R3HCC1L: variants seen among roughly 807,000 people sequenced by gnomAD.
R3HCC1L encodes coiled-coil domain-containing protein R3HCC1L.
In R3HCC1L, 51 loss-of-function variants were observed where a neutral mutation model predicts 59.9. The ratio of observed to expected loss-of-function variants is 0.85; its 90% CI spans 0.68 to 1.07. The LOEUF (loss-of-function observed/expected upper bound fraction) is 1.07. R3HCC1L is among the 50% of genes least tolerant of loss of function. The pLI, the probability that R3HCC1L is intolerant of heterozygous loss-of-function variation, is 0.00. For missense variants in R3HCC1L, 965 were observed against 933.0 expected (o/e 1.03, Z -0.45); for synonymous variants, 322 against 315.2 (o/e 1.02, Z -0.23).
chr10:98,231,482 C>G (rs750981991), intron 5 of R3HCC1L, 30 bp from the exon 6 acceptor site: 12 of 1,591,190 alleles, frequency 7.5e-6, no homozygotes, highest in African/African-American at 1.4e-5. Flanking sequence ...TTTAATGTAA[C>G]CGGCACTTAA....
At position 98,209,675 on chromosome 10, in the gene R3HCC1L, G is replaced by A. The variant is rs1486784084; in HGVS notation, c.1561G>A (p.Glu521Lys). Residue 521 changes from glutamate (E) to lysine (K), a missense_variant, in exon 5 of 10, where the codon GAA becomes AAA. Transcript: ENST00000298999. ...STGDTTEALHELRTAEEFKTE... is the reference protein window; with the variant it reads ...STGDTTEALHKLRTAEEFKTE... The stretch of plus-strand genomic sequence containing the variant: ...TGGTGATACAACAGAAGCATTGCAC[G>A]AACTAAGAACTGCCGAAGAGTTCAA... The A allele has an allele frequency of 3.7e-6, 6 of 1,613,828 alleles. No homozygotes were observed. The highest frequency in any genetic ancestry group is 1.3e-5 in the African/African-American group (1 of 74,896).
intron 6 of R3HCC1L, 80 bp downstream of exon 6, chr10:98,231,767 G>T: frequency 7.4e-7 from 1 of 1,350,622 alleles, no homozygotes. Context: ...ATCATCTCTT[G>T]TTTTTTATAT....
intron 5 of R3HCC1L, among the ~76,000 whole-genome samples, chr10:98,229,467 AAGG>A (rs1198452082): frequency 6.6e-6 from 1 of 152,218 alleles, no homozygotes; most frequent in Non-Finnish European, 1.5e-5. Flanking sequence ...CTGTCAACTT[AAGG>A]AGATTTTGGG....
chr10:98,176,146 C>T (rs1253738128), intron 4 of R3HCC1L, among the ~76,000 whole-genome samples: 1 of 152,060 alleles, frequency 6.6e-6, no homozygotes, highest in African/African-American at 2.4e-5. Context: ...TTTACCCTTT[C>T]TCCAATGTGA....
At chr10:98,137,133 C>G (rs1844678690) in intron 1 of R3HCC1L, among the ~76,000 whole-genome samples, 1 of 152,056 alleles carries the variant, frequency 6.6e-6, no homozygotes, top group East Asian at 1.9e-4. Context: ...ATCGCTTGAA[C>G]TCGGGAGGCT....
At chr10:98,144,331 T>C (rs1159332004) in intron 1 of R3HCC1L, among the ~76,000 whole-genome samples, 1 of 152,072 alleles carries the variant, frequency 6.6e-6, no homozygotes, top group Admixed American at 6.6e-5. Flanking sequence ...TTCTCCTGCC[T>C]CAGCTTTCCG....
intron 4 of R3HCC1L, among the ~76,000 whole-genome samples, chr10:98,180,940 T>C (rs1265387744): frequency 1.3e-5 from 2 of 152,200 alleles, no homozygotes; most frequent in Non-Finnish European, 2.9e-5. Context: ...AGCCTATGTG[T>C]GTCTCCGCAT....
At chr10:98,149,839 G>A (rs1164507951) in intron 1 of R3HCC1L, among the ~76,000 whole-genome samples, 1 of 152,226 alleles carries the variant, frequency 6.6e-6, no homozygotes, top group Admixed American at 6.5e-5. Context: ...TTCTTCTAGT[G>A]TGTAGTTTAA....
chr10:98,195,032 A>G (rs1851274723), intron 4 of R3HCC1L, among the ~76,000 whole-genome samples: 1 of 152,196 alleles, frequency 6.6e-6, no homozygotes, highest in Non-Finnish European at 1.5e-5. Flanking sequence ...TCAGTGCAGC[A>G]TTATTCACAG....
intron 5 of R3HCC1L, among the ~76,000 whole-genome samples, chr10:98,213,385 C>T (rs1271026782): frequency 2.0e-5 from 3 of 152,142 alleles, no homozygotes; most frequent in Admixed American, 1.3e-4. Context: ...CAGTATGTAA[C>T]TATGTGACTA....
intron 1 of R3HCC1L, among the ~76,000 whole-genome samples, chr10:98,143,943 T>C (rs1845415980): frequency 2.0e-5 from 3 of 152,154 alleles, no homozygotes. Context: ...TGTGTGTCTA[T>C]TACCGTAGCA....
At chr10:98,220,036 T>C (rs1400198673) in intron 5 of R3HCC1L, among the ~76,000 whole-genome samples, 4 of 152,208 alleles carry the variant, frequency 2.6e-5, no homozygotes, top group African/African-American at 9.6e-5. Flanking sequence ...CTTTGTGATG[T>C]CCCTCATTTC....
intron 1 of R3HCC1L, among the ~76,000 whole-genome samples, chr10:98,137,324 A>C (rs909848309): frequency 1.3e-5 from 2 of 152,348 alleles, no homozygotes; most frequent in African/African-American, 2.4e-5. Context: ...CTGTTTCCTA[A>C]TCTCTCAAAT....
intron 4 of R3HCC1L, among the ~76,000 whole-genome samples, chr10:98,181,843 C>T (rs1016138761): frequency 2.0e-5 from 3 of 152,168 alleles, no homozygotes; most frequent in African/African-American, 7.2e-5. Flanking sequence ...AGTTCTTGTG[C>T]CATGGTTTTC....
At chr10:98,211,378 G>A in intron 5 of R3HCC1L, 1 of 1,519,026 alleles carries the variant, frequency 6.6e-7, no homozygotes, top group Non-Finnish European at 8.8e-7. Flanking sequence ...ATCAGAATGT[G>A]AGTAGGGAAC....
At chr10:98,210,495 T>G (rs1853441248) in intron 5 of R3HCC1L, among the ~76,000 whole-genome samples, 3 of 152,206 alleles carry the variant, frequency 2.0e-5, no homozygotes, top group Admixed American at 2.0e-4. Flanking sequence ...TCTTAGAAAT[T>G]ACTCAGTTCA....
intron 4 of R3HCC1L, among the ~76,000 whole-genome samples, chr10:98,172,954 T>C (rs1357087771): frequency 6.6e-6 from 1 of 152,226 alleles, no homozygotes; most frequent in Non-Finnish European, 1.5e-5. Context: ...TCTGGGTACT[T>C]ACAGTAATTC....
At chr10:98,238,209 C>T (rs892084577) in intron 9 of R3HCC1L, among the ~76,000 whole-genome samples, 1 of 152,144 alleles carries the variant, frequency 6.6e-6, no homozygotes, top group African/African-American at 2.4e-5. Context: ...ATATTTTTGT[C>T]ATTACTCTTT....
Position 98,217,730 on chromosome 10 carries a change from C to T in R3HCC1L, c.1785+7831C>T, listed in dbSNP as rs140464373. Among the ~76,000 whole-genome samples the T allele has an allele frequency of 1.3e-4, 19 of 151,956 alleles. No individual in the cohort carries two copies. The East Asian group carries it at 1.9e-3, about 15-fold the overall frequency. ...TATAGTTTTCCTGGTAGAGAGCTTT[C>T]GCCTCCTTAGTCAGATTTACTCCTA... is the stretch of plus-strand genomic sequence containing the variant. On this transcript the variant is annotated intron_variant, in intron 5 of 9. Coordinates refer to ENST00000298999, the MANE Select transcript of R3HCC1L (RefSeq NM_001351015.2).
Sources: gnomAD v4.1 joint callset for allele counts (sites outside exome capture counted in the v4.1 genomes callset) on GRCh38, gnomAD v4.1.1 for gene constraint, MANE v1.5 for transcripts, NCBI Gene and HGNC (gene_info 2026-07-23, HGNC 2026-07-21) for gene names.